Variants in CMC1 observed in about 807,000 individuals in gnomAD.
CMC1 encodes the protein COX assembly mitochondrial protein homolog.
In CMC1, 14 loss-of-function variants were observed where a neutral mutation model predicts 14.1. That is an observed-to-expected ratio of 0.99 (90% CI 0.66 to 1.55). CMC1 has a LOEUF of 1.55. Among genes scored for constraint, CMC1 ranks in the 40% most tolerant of loss-of-function variants. The pLI is 0.00. For missense variants in CMC1, 127 were observed against 123.8 expected (o/e 1.03, Z -0.12); for synonymous variants, 50 against 38.4 (o/e 1.30, Z -1.12).
intron 2 of CMC1, among the ~76,000 whole-genome samples, chr3:28,287,042 A>G (rs1577050543): frequency 6.6e-6 from 1 of 152,264 alleles, no homozygotes; most frequent in East Asian, 1.9e-4. Context: ...GAATAATCCA[A>G]CCGTCAACAC....
At position 28,322,179 on chromosome 3, in the gene CMC1, C is replaced by G. The variant is rs2125627699; in HGVS notation, c.*2550C>G. The stretch of plus-strand genomic sequence containing the variant: ...CTAACACTTTAAACTGTCACAGTCA[C>G]TGACTTTTTAGTATACCTGTTTGAT... On this transcript the variant is annotated 3_prime_UTR_variant, in exon 4 of 4. Transcript: ENST00000466830. 1 of 151,280 alleles carries G rather than the reference C, an allele frequency of 6.6e-6. No homozygotes were observed. The highest frequency in any genetic ancestry group is 2.1e-4 in the South Asian group (1 of 4,816). The allele number at this position is 151,280 out of a possible 1,614,324, so 9.4% of individuals were successfully genotyped here.
chr3:28,267,648 G>A (rs190970249), intron 2 of CMC1, among the ~76,000 whole-genome samples: 28 of 152,322 alleles, frequency 1.8e-4, no homozygotes, highest in African/African-American at 6.7e-4. Context: ...ACATCACAGA[G>A]CTGTAGGTAA....
chr3:28,300,887 T>C (rs1702007861), intron 2 of CMC1, among the ~76,000 whole-genome samples: 3 of 151,644 alleles, frequency 2.0e-5, no homozygotes. Context: ...TACATATTCT[T>C]TCATAGCCAT....
At chr3:28,254,953 G>C (rs1028551706) in intron 1 of CMC1, among the ~76,000 whole-genome samples, 11 of 152,160 alleles carry the variant, frequency 7.2e-5, no homozygotes, top group Non-Finnish European at 1.5e-5. Flanking sequence ...TCTTTTCTCT[G>C]TAAGTAAGCA....
intron 1 of CMC1, among the ~76,000 whole-genome samples, chr3:28,244,717 C>T (rs1365028053): frequency 6.7e-6 from 1 of 149,446 alleles, no homozygotes; most frequent in African/African-American, 2.5e-5. Context: ...CAGAGTGAGA[C>T]TTCGTCTCAA....
At chr3:28,305,337 C>G (rs1311177360) in intron 2 of CMC1, among the ~76,000 whole-genome samples, 3 of 152,090 alleles carry the variant, frequency 2.0e-5, no homozygotes, top group African/African-American at 4.8e-5. Context: ...TTGATGGACA[C>G]TTAGGTTGAT....
At chr3:28,279,386 T>C (rs979170790) in intron 2 of CMC1, among the ~76,000 whole-genome samples, 1 of 152,154 alleles carries the variant, frequency 6.6e-6, no homozygotes, top group African/African-American at 2.4e-5. Context: ...GAACCCAAAC[T>C]TTCTACTCGT....
chr3:28,280,513 C>T (rs939780917), intron 2 of CMC1, among the ~76,000 whole-genome samples: 4 of 152,028 alleles, frequency 2.6e-5, no homozygotes, highest in African/African-American at 9.7e-5. Flanking sequence ...TTTGGAAAAG[C>T]AGGTATTTAC....
At chr3:28,278,145 A>T (rs1700690172) in intron 2 of CMC1, among the ~76,000 whole-genome samples, 1 of 107,872 alleles carries the variant, frequency 9.3e-6, no homozygotes, top group African/African-American at 3.4e-5. Flanking sequence ...AAGTGGTGAG[A>T]ATGAGCACAT....
intron 3 of CMC1, chr3:28,319,296 CTCTAT>C (rs1559451281): frequency 3.4e-6 from 2 of 580,932 alleles, no homozygotes; most frequent in Non-Finnish European, 3.3e-6. Context: ...CTTCTCATTG[CTCTAT>C]TCTGTGACAG....
At chr3:28,301,717 T>C (rs1702058942) in intron 2 of CMC1, among the ~76,000 whole-genome samples, 2 of 151,990 alleles carry the variant, frequency 1.3e-5, no homozygotes, top group South Asian at 2.1e-4. Flanking sequence ...TACTATAAAG[T>C]GGGTGACAAG....
intron 2 of CMC1, among the ~76,000 whole-genome samples, chr3:28,265,305 A>C (rs1313891749): frequency 1.3e-5 from 2 of 152,200 alleles, no homozygotes; most frequent in Admixed American, 6.5e-5. Flanking sequence ...AATTGATAAG[A>C]GAATAAGAAG....
At chr3:28,315,213 G>A (rs1702836846) in intron 2 of CMC1, 1 of 152,186 alleles carries the variant, frequency 6.6e-6, no homozygotes, top group Middle Eastern at 3.2e-3. Flanking sequence ...CTGTGTAAGG[G>A]ATAAGACAGG....
chr3:28,306,308 C>A (rs887462956), intron 2 of CMC1, among the ~76,000 whole-genome samples: 1 of 152,126 alleles, frequency 6.6e-6, no homozygotes, highest in Non-Finnish European at 1.5e-5. Context: ...TTGACACTTT[C>A]AATCCATGAG....
Position 28,283,523 on chromosome 3 carries a change from GCAACAA to G in CMC1, c.109+20162_109+20167del, listed in dbSNP as rs772181418. ...AACAGAGAGAGACTCCATCTCAACAGCAACAACAACAACAACAACAACAAAAACAAA... is the reference window on the plus strand; with the variant it reads ...AACAGAGAGAGACTCCATCTCAACAGCAACAACAACAACAACAAAAACAAA... On this transcript the variant is annotated intron_variant, in intron 2 of 3. Coordinates refer to ENST00000466830, the MANE Select transcript of CMC1 (RefSeq NM_182523.2). 8.7e-3 allele frequency among the ~76,000 whole-genome samples: 1,034 copies of G among 118,376 alleles called. 23 individuals carry two copies. Among genetic ancestry groups the G allele is most frequent in the African/African-American group, 0.033 (987 of 29,894 alleles). The allele number at this position is 118,376 out of a possible 152,430, so 77.7% of individuals were successfully genotyped here.
At chr3:28,273,386 A>G (rs1228106199) in intron 2 of CMC1, among the ~76,000 whole-genome samples, 3 of 152,072 alleles carry the variant, frequency 2.0e-5, no homozygotes, top group Non-Finnish European at 4.4e-5. Context: ...TTCAATTTCT[A>G]TTTAGTTGTG....
intron 2 of CMC1, among the ~76,000 whole-genome samples, chr3:28,281,840 T>A (rs576528943): frequency 2.8e-4 from 43 of 152,142 alleles, no homozygotes; most frequent in Admixed American, 2.4e-3. Flanking sequence ...GAAAAACATT[T>A]CAGACCAGAG....
At chr3:28,267,441 G>T (rs1371474301) in intron 2 of CMC1, among the ~76,000 whole-genome samples, 1 of 152,104 alleles carries the variant, frequency 6.6e-6, no homozygotes, top group Non-Finnish European at 1.5e-5. Flanking sequence ...TGTCATCAGG[G>T]ATGGGCTGGA....
At chr3:28,248,758 A>G (rs1478692241) in intron 1 of CMC1, among the ~76,000 whole-genome samples, 2 of 152,126 alleles carry the variant, frequency 1.3e-5, no homozygotes, top group Non-Finnish European at 2.9e-5. Flanking sequence ...CCAAGTTAAC[A>G]TTCTCCCCGA....
Sources: allele counts gnomAD v4.1 joint callset (sites outside exome capture counted in the v4.1 genomes callset), GRCh38; gene constraint gnomAD v4.1.1; transcripts MANE v1.5; gene names NCBI Gene and HGNC (gene_info 2026-07-23, HGNC 2026-07-21).